ITGB6: variants seen among roughly 807,000 people sequenced by gnomAD.
ITGB6 encodes integrin subunit beta 6.
In ITGB6, 80 loss-of-function variants were observed where a neutral mutation model predicts 84.5. That is an observed-to-expected ratio of 0.95 (90% CI 0.79 to 1.14). The LOEUF is 1.14. Among genes scored for constraint, ITGB6 ranks in the 50% most tolerant of loss-of-function variants. ITGB6 has a pLI of 0.00. For missense variants in ITGB6, 1,006 were observed against 968.0 expected, an observed-to-expected ratio of 1.04 and a Z score of -0.52; for synonymous variants, 383 against 354.9, an observed-to-expected ratio of 1.08 and a Z score of -0.89.
At chr2:160,189,546 T>C (rs996415134) in intron 4 of ITGB6, among the ~76,000 whole-genome samples, 49 of 152,260 alleles carry the variant, frequency 3.2e-4, no homozygotes, top group African/African-American at 9.1e-4. Flanking sequence ...GGGCGAAGGA[T>C]ATGAACAGAC....
chr2:160,107,564 G>T, intron 14 of ITGB6, 115 bp downstream of exon 14: 1 of 922,282 alleles, frequency 1.1e-6, no homozygotes, highest in Non-Finnish European at 1.7e-6. Flanking sequence ...GGCGAGAGTG[G>T]GAGAGAAAAA....
At chr2:160,136,189 A>C (rs1179092613) in intron 10 of ITGB6, among the ~76,000 whole-genome samples, 3 of 152,232 alleles carry the variant, frequency 2.0e-5, no homozygotes, top group Non-Finnish European at 4.4e-5. Flanking sequence ...ATCTACAAAG[A>C]ACTCAAACAA....
intron 9 of ITGB6, 60 bp downstream of exon 9, chr2:160,138,005 T>C (rs1474406905): frequency 3.2e-6 from 5 of 1,547,002 alleles, no homozygotes; most frequent in Non-Finnish European, 4.4e-6. Flanking sequence ...TTCAGTGAGC[T>C]CAGCTAATTT....
At chr2:160,152,362 A>C (rs1400105732) in intron 7 of ITGB6, among the ~76,000 whole-genome samples, 1 of 152,230 alleles carries the variant, frequency 6.6e-6, no homozygotes, top group African/African-American at 2.4e-5. Flanking sequence ...TGATTATCTC[A>C]ATAGATGCAG....
chr2:160,150,010 G>A (rs552515087), intron 7 of ITGB6, among the ~76,000 whole-genome samples: 24 of 152,268 alleles, frequency 1.6e-4, no homozygotes, highest in African/African-American at 4.6e-4. Context: ...TGGGGAGAAC[G>A]GAACCAAGTT....
intron 4 of ITGB6, among the ~76,000 whole-genome samples, chr2:160,185,419 G>C (rs1685855291): frequency 1.3e-5 from 2 of 152,126 alleles, no homozygotes; most frequent in African/African-American, 4.8e-5. Context: ...CAACTTACAA[G>C]GGATGTGAAG....
intron 8 of ITGB6, among the ~76,000 whole-genome samples, chr2:160,139,297 A>G (rs983054287): frequency 2.0e-5 from 3 of 152,220 alleles, no homozygotes; most frequent in Non-Finnish European, 4.4e-5. Flanking sequence ...TTGGCATTTA[A>G]AAAGCATATT....
chr2:160,126,248 G>A lies in ITGB6; in HGVS notation c.1883+131C>T, dbSNP rs113032303. The A allele has an allele frequency of 2.1e-3, 1,572 of 751,570 alleles. 17 individuals carry two copies. The African/African-American group carries it at 0.023, about 11-fold the overall frequency. 46.6% of individuals were successfully genotyped at this position (751,570 alleles called of 1,614,324 possible). A position where few individuals can be genotyped will look rare whatever the true frequency, so the allele number is the denominator to read the frequency against. On this transcript the variant is annotated intron_variant, in intron 11 of 14. Coordinates refer to ENST00000283249, the MANE Select transcript of ITGB6 (RefSeq NM_000888.5). ...GATCACAGAGGCCCTGTGGGTTTGTGTGTGTTTTGATGGATGTTTGGAGAC... is the reference window on the plus strand; with the variant it reads ...GATCACAGAGGCCCTGTGGGTTTGTATGTGTTTTGATGGATGTTTGGAGAC...
intron 4 of ITGB6, among the ~76,000 whole-genome samples, chr2:160,190,017 T>G (rs1435077887): frequency 6.6e-6 from 1 of 152,112 alleles, no homozygotes; most frequent in African/African-American, 2.4e-5. Context: ...TGGAATACTA[T>G]GCAGCCATAA....
chr2:160,123,150 CTCTGAT>C (rs1683106309), intron 12 of ITGB6, among the ~76,000 whole-genome samples: 1 of 152,148 alleles, frequency 6.6e-6, no homozygotes, highest in Admixed American at 6.5e-5. Context: ...TGCCACTAGA[CTCTGAT>C]TCTAAGTAAT....
intron 9 of ITGB6, 37 bp downstream of exon 9, chr2:160,138,028 G>A (rs776075358): frequency 6.3e-7 from 1 of 1,582,340 alleles, no homozygotes; most frequent in South Asian, 1.2e-5. Context: ...GACCCATCCA[G>A]GTATTTATTC....
rs567978090 is a variant in ITGB6, at chr2:160,110,931, T to G, written c.2101+1149A>C. 1.4e-4 allele frequency among the ~76,000 whole-genome samples: 21 copies of G among 152,320 alleles called. 1 individual carries two copies. The South Asian group carries it at 4.1e-3, about 30-fold the overall frequency. On this transcript the variant is annotated intron_variant, in intron 13 of 14. Transcript: ENST00000283249. ...CTGGAGGCTGTCAGGTGACTCTTGT[T>G]AAGCCTCCGGGAGGTTATGTTTCCC...
At position 160,116,451 on chromosome 2, in the gene ITGB6, C is replaced by T. The variant is rs565047695; in HGVS notation, c.1982-4252G>A. On this transcript the variant is annotated intron_variant, in intron 12 of 14. Transcript: ENST00000283249. Reference sequence around the variant, plus strand: ...AAGGAGAAATAAAATACTTTACAGACAAGCAAATGCTGAGAGATTTTTGTC... The same window carrying T: ...AAGGAGAAATAAAATACTTTACAGATAAGCAAATGCTGAGAGATTTTTGTC... Among the ~76,000 whole-genome samples the T allele has an allele frequency of 3.0e-3, 459 of 152,114 alleles. 3 individuals carry two copies. The highest frequency in any genetic ancestry group is 0.01 in the African/African-American group (435 of 41,480).
At chr2:160,150,770 C>G (rs1409416884) in intron 7 of ITGB6, among the ~76,000 whole-genome samples, 1 of 151,772 alleles carries the variant, frequency 6.6e-6, no homozygotes, top group Non-Finnish European at 1.5e-5. Flanking sequence ...ATCTACAAAG[C>G]AAATGGAAAG....
intron 6 of ITGB6, among the ~76,000 whole-genome samples, chr2:160,171,409 A>G (rs974787219): frequency 7.0e-5 from 10 of 143,392 alleles, no homozygotes; most frequent in African/African-American, 2.6e-4. Context: ...ATCTTGGCTC[A>G]CTGCAAGCTG....
At chr2:160,180,433 A>T (rs998560736) in intron 4 of ITGB6, among the ~76,000 whole-genome samples, 1 of 152,106 alleles carries the variant, frequency 6.6e-6, no homozygotes, top group Non-Finnish European at 1.5e-5. Flanking sequence ...ACCTGGAAAA[A>T]GGGTGGCTTT....
At position 160,108,254 on chromosome 2, in the gene ITGB6, T is replaced by TGC. The variant is rs1553475973; in HGVS notation, c.2102-411_2102-410dup. 9.6e-3 allele frequency among the ~76,000 whole-genome samples: 1,454 copies of TGC among 151,016 alleles called. 28 individuals are homozygous for TGC. The highest frequency in any genetic ancestry group is 0.029 in the African/African-American group (1,196 of 41,074). Reference sequence around the variant, plus strand: ...GTGTGTGTGTGTGTGTGTGTGTGTGTGCTGCATGTCATCAGTTTTTCATGG... The same window carrying TGC: ...GTGTGTGTGTGTGTGTGTGTGTGTGTGCGCTGCATGTCATCAGTTTTTCATGG... On this transcript the variant is annotated intron_variant, in intron 13 of 14. Coordinates refer to ENST00000283249, the MANE Select transcript of ITGB6 (RefSeq NM_000888.5).
chr2:160,108,072 G>A (rs1041285513), intron 13 of ITGB6, among the ~76,000 whole-genome samples: 1 of 152,122 alleles, frequency 6.6e-6, no homozygotes, highest in African/African-American at 2.4e-5. Context: ...TGAAGTAAAT[G>A]GATATAGACT....
At chr2:160,119,479 C>T (rs1012701666) in intron 12 of ITGB6, among the ~76,000 whole-genome samples, 3 of 151,954 alleles carry the variant, frequency 2.0e-5, no homozygotes, top group Admixed American at 2.0e-4. Flanking sequence ...AAAGCTGAAA[C>T]TGGATCCCTT....
Sources: gnomAD v4.1 joint callset for allele counts (sites outside exome capture counted in the v4.1 genomes callset) on GRCh38, gnomAD v4.1.1 for gene constraint, MANE v1.5 for transcripts, NCBI Gene and HGNC (gene_info 2026-07-23, HGNC 2026-07-21) for gene names.